The following MAPK8 variants were observed in gnomAD, a reference collection of about 807,000 sequenced individuals.
The protein encoded by MAPK8 is mitogen-activated protein kinase 8, also known as JUN N-terminal kinase.
Under a neutral mutation model 52.9 loss-of-function variants are expected in MAPK8, and 13 were observed. That is an observed-to-expected ratio of 0.25 (90% CI 0.16 to 0.39). The LOEUF is 0.39. Among genes scored for constraint, MAPK8 ranks in the 10% least tolerant of loss-of-function variants. The probability of loss-of-function intolerance (pLI) is 1.00; values close to 1 mark genes in which losing one functional copy is unlikely to be tolerated. For synonymous variants in MAPK8, 191 were observed against 169.8 expected (o/e 1.12, Z -0.97); for missense variants, 300 against 519.2 (o/e 0.58, Z 4.10).
At chr10:48,395,873 A>G (rs2041861976) in intron 1 of MAPK8, among the ~76,000 whole-genome samples, 2 of 152,128 alleles carry the variant, frequency 1.3e-5, no homozygotes, top group African/African-American at 4.8e-5. Context: ...AAAGTAATTC[A>G]GTGGGGAGAA....
chr10:48,433,598 C>T (rs574057302), intron 11 of MAPK8, among the ~76,000 whole-genome samples: 6 of 152,298 alleles, frequency 3.9e-5, no homozygotes, highest in African/African-American at 1.4e-4. Flanking sequence ...TCCGTTTCAG[C>T]TCCCATCACA....
intron 1 of MAPK8, among the ~76,000 whole-genome samples, chr10:48,347,927 T>C (rs1365453005): frequency 6.6e-6 from 1 of 152,212 alleles, no homozygotes; most frequent in East Asian, 1.9e-4. Flanking sequence ...ATGGGATTGC[T>C]GGGTCAAATG....
At chr10:48,359,287 C>T (rs1847305030) in intron 1 of MAPK8, among the ~76,000 whole-genome samples, 1 of 152,130 alleles carries the variant, frequency 6.6e-6, no homozygotes, top group African/African-American at 2.4e-5. Flanking sequence ...AGCGGATCCA[C>T]AGGTTTTCAT....
intron 1 of MAPK8, among the ~76,000 whole-genome samples, chr10:48,374,471 TC>T (rs1426429579): frequency 1.3e-5 from 2 of 151,234 alleles, no homozygotes; most frequent in Non-Finnish European, 3.0e-5. Context: ...TTTGAAAAGA[TC>T]AACAAAATAG....
chr10:48,358,451 G>A (rs1180679463), intron 1 of MAPK8, among the ~76,000 whole-genome samples: 5 of 152,142 alleles, frequency 3.3e-5, no homozygotes, highest in Non-Finnish European at 7.4e-5. Context: ...CTTATTGGCT[G>A]TTTTGGGTTT....
chr10:48,418,412 A>G (rs1200009596), intron 5 of MAPK8, among the ~76,000 whole-genome samples: 1 of 152,174 alleles, frequency 6.6e-6, no homozygotes, highest in Non-Finnish European at 1.5e-5. Flanking sequence ...CCTTTGCTGA[A>G]TGTGTGGTGC....
chr10:48,425,833 G>A (rs200411904), intron 7 of MAPK8, 55 bp from the exon 8 acceptor site: 1 of 815,206 alleles, frequency 1.2e-6, no homozygotes, highest in Non-Finnish European at 1.8e-6. Flanking sequence ...ATATGAATAT[G>A]ACTAATGTAT....
intron 1 of MAPK8, among the ~76,000 whole-genome samples, chr10:48,313,390 G>A (rs952443325): frequency 6.9e-6 from 1 of 145,964 alleles, no homozygotes; most frequent in Admixed American, 6.9e-5. Flanking sequence ...CTGAGATCGT[G>A]CCACTACACT....
intron 1 of MAPK8, among the ~76,000 whole-genome samples, chr10:48,360,533 A>G (rs1053710375): frequency 2.0e-5 from 3 of 152,144 alleles, no homozygotes; most frequent in Non-Finnish European, 2.9e-5. Context: ...GTTTTTTATC[A>G]TAGCCTAAAA....
intron 6 of MAPK8, among the ~76,000 whole-genome samples, chr10:48,423,021 A>G (rs955979517): frequency 6.6e-6 from 1 of 152,186 alleles, no homozygotes; most frequent in African/African-American, 2.4e-5. Context: ...AGATGTCACA[A>G]CTAAATGCAA....
chr10:48,409,474 A>G (rs1460381149), intron 3 of MAPK8, among the ~76,000 whole-genome samples: 5 of 152,214 alleles, frequency 3.3e-5, no homozygotes, highest in Non-Finnish European at 7.3e-5. Flanking sequence ...TAGACTGGGA[A>G]TGAAGAAAAC....
intron 1 of MAPK8, among the ~76,000 whole-genome samples, chr10:48,398,134 G>A (rs763185569): frequency 1.1e-4 from 17 of 152,090 alleles, no homozygotes; most frequent in Non-Finnish European, 2.2e-4. Context: ...TAACTTCTAT[G>A]TGAGTCTGAA....
intron 6 of MAPK8, among the ~76,000 whole-genome samples, chr10:48,422,014 TTTA>T (rs1219982825): frequency 7.0e-5 from 5 of 71,614 alleles, no homozygotes; most frequent in Admixed American, 6.3e-4. Flanking sequence ...ATCTTATTTA[TTTA>T]TTTATTTATT....
chr10:48,403,274 A>G (rs1649217307), intron 2 of MAPK8, among the ~76,000 whole-genome samples: 1 of 152,160 alleles, frequency 6.6e-6, no homozygotes, highest in South Asian at 2.1e-4. Flanking sequence ...CCTGGCCAAC[A>G]TGGTGAAACC....
chr10:48,343,484 G>C (rs1259153040), intron 1 of MAPK8, among the ~76,000 whole-genome samples: 1 of 152,052 alleles, frequency 6.6e-6, no homozygotes, highest in African/African-American at 2.4e-5. Flanking sequence ...GATAACATTC[G>C]CAGCTTCCAA....
At chr10:48,432,050 G>T (rs951409455) in intron 11 of MAPK8, among the ~76,000 whole-genome samples, 1 of 152,194 alleles carries the variant, frequency 6.6e-6, no homozygotes, top group African/African-American at 2.4e-5. Context: ...TTCAGAGTGT[G>T]TGGTTTTTTC....
At chr10:48,321,899 A>G (rs891925940) in intron 1 of MAPK8, among the ~76,000 whole-genome samples, 1 of 152,178 alleles carries the variant, frequency 6.6e-6, no homozygotes, top group African/African-American at 2.4e-5. Context: ...GTAGTTCAGA[A>G]TTTTTTGAAA....
chr10:48,370,320 GA>G (rs2132620124), intron 1 of MAPK8, among the ~76,000 whole-genome samples: 1 of 152,206 alleles, frequency 6.6e-6, no homozygotes, highest in South Asian at 2.1e-4. Context: ...TGCAACTTGG[GA>G]TTTTTTTTTT....
intron 7 of MAPK8, among the ~76,000 whole-genome samples, chr10:48,424,891 G>A (rs771531453): frequency 1.3e-4 from 19 of 151,942 alleles, no homozygotes; most frequent in Non-Finnish European, 2.1e-4. Flanking sequence ...CTAGAAATAC[G>A]TACAACTTAA....
Sources: gnomAD v4.1 joint callset for allele counts (sites outside exome capture counted in the v4.1 genomes callset) on GRCh38, gnomAD v4.1.1 for gene constraint, MANE v1.5 for transcripts, NCBI Gene and HGNC (gene_info 2026-07-23, HGNC 2026-07-21) for gene names.